KCNB2: variants seen among roughly 807,000 people sequenced by gnomAD.
KCNB2 encodes potassium voltage-gated channel subfamily B member 2.
In KCNB2, 15 loss-of-function variants were observed where a neutral mutation model predicts 61.5. The ratio of observed to expected loss-of-function variants is 0.24; its 90% CI spans 0.16 to 0.38. The LOEUF (loss-of-function observed/expected upper bound fraction) is 0.38, where lower values mean the gene tolerates loss of function less well. KCNB2 is among the 10% of genes least tolerant of loss of function. The probability of loss-of-function intolerance (pLI) is 1.00; values close to 1 mark genes in which losing one functional copy is unlikely to be tolerated. For synonymous variants in KCNB2, 457 were observed against 446.0 expected, an observed-to-expected ratio of 1.02 and a Z score of -0.31; for missense variants, 828 against 1,125.2, an observed-to-expected ratio of 0.74 and a Z score of 3.78.
Position 72,644,220 on chromosome 8 carries a change from A to G in KCNB2, c.579+75907A>G, listed in dbSNP as rs185447413. On this transcript the variant is annotated intron_variant, in intron 2 of 2. Coordinates refer to ENST00000523207, the MANE Select transcript of KCNB2 (RefSeq NM_004770.3). ...CATGTGCACTATAACTATGCCAACC[A>G]CATTAAACCCTGATTTTAAAAAGTT... Among the ~76,000 whole-genome samples, 408 of 152,188 alleles carry G rather than the reference A, an allele frequency of 2.7e-3. 2 individuals carry two copies. Among genetic ancestry groups the G allele is most frequent in the African/African-American group, 9.6e-3 (398 of 41,512 alleles).
intron 2 of KCNB2, among the ~76,000 whole-genome samples, chr8:72,620,261 G>A (rs577118294): frequency 1.3e-5 from 2 of 152,320 alleles, no homozygotes; most frequent in Non-Finnish European, 2.9e-5. Flanking sequence ...CCAACAGGCA[G>A]TTTAGATGTT....
intron 1 of KCNB2, among the ~76,000 whole-genome samples, chr8:72,544,984 C>T (rs1363700744): frequency 1.3e-5 from 2 of 152,156 alleles, no homozygotes; most frequent in Non-Finnish European, 2.9e-5. Flanking sequence ...AGTATGCAAC[C>T]TCTGGGTGGG....
chr8:72,610,202 CAT>C (rs1463610945), intron 2 of KCNB2, among the ~76,000 whole-genome samples: 9 of 152,278 alleles, frequency 5.9e-5, no homozygotes, highest in Admixed American at 3.3e-4. Context: ...CTCCAAATCA[CAT>C]CTCTTGAAGA....
intron 2 of KCNB2, among the ~76,000 whole-genome samples, chr8:72,614,504 G>A (rs1018939905): frequency 6.6e-6 from 1 of 152,166 alleles, no homozygotes; most frequent in Non-Finnish European, 1.5e-5. Flanking sequence ...TGTTCTTACA[G>A]TAAAATGAGA....
In KCNB2 at chr8:72,537,764, G is replaced by A. The variant is rs1356350322; in HGVS notation, c.-215G>A. 1 of 152,180 alleles carries A rather than the reference G, an allele frequency of 6.6e-6. No homozygotes were observed. The highest frequency in any genetic ancestry group is 1.5e-5 in the Non-Finnish European group (1 of 68,142). 9.4% of individuals were successfully genotyped at this position (152,180 alleles called of 1,614,324 possible). On this transcript the variant is annotated 5_prime_UTR_variant, in exon 1 of 3. Transcript: ENST00000523207. ...TGTGGAGGGGAGGGGGATTTCCAGC[G>A]ACAGGTCATTGGCGAAGGGGATCGT...
intron 2 of KCNB2, among the ~76,000 whole-genome samples, chr8:72,582,465 C>T (rs1806918936): frequency 6.6e-6 from 1 of 152,170 alleles, no homozygotes; most frequent in South Asian, 2.1e-4. Context: ...GGTACAAGGC[C>T]ACCTGGGGAG....
At chr8:72,818,067 C>A (rs547975078) in intron 2 of KCNB2, among the ~76,000 whole-genome samples, 1 of 152,012 alleles carries the variant, frequency 6.6e-6, no homozygotes, top group African/African-American at 2.4e-5. Flanking sequence ...CAGATTTACC[C>A]AATAGGATTT....
intron 2 of KCNB2, among the ~76,000 whole-genome samples, chr8:72,823,998 T>G (rs1382130364): frequency 6.6e-6 from 1 of 152,184 alleles, no homozygotes; most frequent in Non-Finnish European, 1.5e-5. Flanking sequence ...ACAATAAGCC[T>G]TTTTTAAATT....
At chr8:72,699,138 G>A (rs571570195) in intron 2 of KCNB2, among the ~76,000 whole-genome samples, 5 of 152,036 alleles carry the variant, frequency 3.3e-5, no homozygotes, top group African/African-American at 4.8e-5. Context: ...AATCTATAAG[G>A]AACTTAAAGA....
At chr8:72,558,624 C>T (rs1385574264) in intron 1 of KCNB2, among the ~76,000 whole-genome samples, 1 of 152,028 alleles carries the variant, frequency 6.6e-6, no homozygotes, top group Admixed American at 6.6e-5. Flanking sequence ...TTAATTAAAC[C>T]CGATTATTTA....
chr8:72,847,026 G>T (rs1172867518), intron 2 of KCNB2, among the ~76,000 whole-genome samples: 3 of 152,176 alleles, frequency 2.0e-5, no homozygotes, highest in Non-Finnish European at 2.9e-5. Context: ...ATCAATGATA[G>T]ACTGGATTAA....
chr8:72,619,703 T>G (rs947097410), intron 2 of KCNB2, among the ~76,000 whole-genome samples: 2 of 152,154 alleles, frequency 1.3e-5, no homozygotes, highest in African/African-American at 4.8e-5. Flanking sequence ...CAAATTTTAT[T>G]TTATCTAAAT....
intron 2 of KCNB2, among the ~76,000 whole-genome samples, chr8:72,723,099 A>G (rs1484951194): frequency 6.6e-6 from 1 of 152,160 alleles, no homozygotes; most frequent in African/African-American, 2.4e-5. Flanking sequence ...GAAGTATTTG[A>G]TTTGAATATG....
chr8:72,897,452 T>A (rs1007852743), intron 2 of KCNB2, among the ~76,000 whole-genome samples: 1 of 152,122 alleles, frequency 6.6e-6, no homozygotes, highest in Non-Finnish European at 1.5e-5. Context: ...CATCTTCAGT[T>A]TTAATTATAC....
At chr8:72,712,056 T>G (rs1807335119) in intron 2 of KCNB2, among the ~76,000 whole-genome samples, 1 of 152,232 alleles carries the variant, frequency 6.6e-6, no homozygotes, top group Admixed American at 6.5e-5. Context: ...AATATGTTAC[T>G]TATTCTAAAT....
intron 2 of KCNB2, among the ~76,000 whole-genome samples, chr8:72,885,576 A>G (rs1585952136): frequency 6.6e-6 from 1 of 152,198 alleles, no homozygotes; most frequent in Non-Finnish European, 1.5e-5. Flanking sequence ...AGTATTAAAC[A>G]TTGGCAGAAG....
At chr8:72,664,234 G>C (rs1806429477) in intron 2 of KCNB2, among the ~76,000 whole-genome samples, 1 of 152,178 alleles carries the variant, frequency 6.6e-6, no homozygotes, top group Non-Finnish European at 1.5e-5. Flanking sequence ...GCCCTCCCAG[G>C]TGAGGTCCGC....
chr8:72,866,601 T>G (rs1446415245), intron 2 of KCNB2, among the ~76,000 whole-genome samples: 2 of 152,204 alleles, frequency 1.3e-5, no homozygotes, highest in African/African-American at 2.4e-5. Flanking sequence ...TGAACACATT[T>G]CAGAACAATC....
At chr8:72,897,154 C>A (rs890663266) in intron 2 of KCNB2, among the ~76,000 whole-genome samples, 1 of 152,014 alleles carries the variant, frequency 6.6e-6, no homozygotes, top group African/African-American at 2.4e-5. Flanking sequence ...ACTGAGACCA[C>A]ACCTTATTAA....
Sources: gnomAD v4.1 joint callset for allele counts (sites outside exome capture counted in the v4.1 genomes callset) on GRCh38, gnomAD v4.1.1 for gene constraint, MANE v1.5 for transcripts, NCBI Gene and HGNC (gene_info 2026-07-23, HGNC 2026-07-21) for gene names.